LYPLAL1: variants seen among roughly 807,000 people sequenced by gnomAD.
LYPLAL1 encodes the protein lysophospholipase-like protein 1.
Under a neutral mutation model 19.7 loss-of-function variants are expected in LYPLAL1, and 23 were observed. The observed-to-expected ratio is 1.17, with a 90% CI of 0.84 to 1.65. LYPLAL1 has a LOEUF of 1.65. Ranked by LOEUF, LYPLAL1 falls within the 40% of genes most tolerant of loss-of-function variation. LYPLAL1 has a pLI of 0.00. For synonymous variants in LYPLAL1, 119 were observed against 96.3 expected (o/e 1.24, Z -1.38); for missense variants, 355 against 279.4 (o/e 1.27, Z -1.93).
chr1:219,380,381 C>G, the LYPLAL1 span, among the ~76,000 whole-genome samples: 3 of 152,216 alleles, frequency 2.0e-5, no homozygotes, highest in Non-Finnish European at 4.4e-5. Context: ...TAGCTTTACA[C>G]AAGCCAATGG....
chr1:219,414,434 G>A, the LYPLAL1 span, among the ~76,000 whole-genome samples: 5 of 152,200 alleles, frequency 3.3e-5, no homozygotes, highest in African/African-American at 4.8e-5. Context: ...GCAAATATCC[G>A]GACTTAAATT....
chr1:219,258,665 C>T, the LYPLAL1 span, among the ~76,000 whole-genome samples: 1 of 151,992 alleles, frequency 6.6e-6, no homozygotes, highest in African/African-American at 2.4e-5. Context: ...CGGCCATCTT[C>T]CTATTTGTTT....
the LYPLAL1 span, among the ~76,000 whole-genome samples, chr1:219,337,140 C>G: frequency 4.5e-5 from 6 of 133,924 alleles, no homozygotes; most frequent in East Asian, 1.2e-3. Flanking sequence ...TAAGAAATCT[C>G]GTGATTACAT....
the LYPLAL1 span, among the ~76,000 whole-genome samples, chr1:219,297,772 C>T: frequency 3.3e-5 from 5 of 152,104 alleles, no homozygotes; most frequent in East Asian, 1.9e-4. Flanking sequence ...TCTCTGGAAG[C>T]GATAAAGAGG....
intron 2 of LYPLAL1, among the ~76,000 whole-genome samples, chr1:219,190,591 CATT>C (rs1657081593): frequency 1.8e-5 from 1 of 55,362 alleles, no homozygotes; most frequent in Admixed American, 1.9e-4. Flanking sequence ...TTTAAAAAGA[CATT>C]ATATCAAATG....
the LYPLAL1 span, among the ~76,000 whole-genome samples, chr1:219,344,538 G>A: frequency 6.6e-6 from 1 of 152,142 alleles, no homozygotes; most frequent in Admixed American, 6.6e-5. Context: ...CACAGCATAA[G>A]TGACTTCCTG....
intron 3 of LYPLAL1, among the ~76,000 whole-genome samples, chr1:219,205,363 C>CAAAA (rs66877413): frequency 2.3e-5 from 3 of 128,446 alleles, no homozygotes; most frequent in African/African-American, 3.0e-5. Flanking sequence ...GACTCCGTCT[C>CAAAA]AAAAAAAAAA....
chr1:219,278,590 A>C, the LYPLAL1 span, among the ~76,000 whole-genome samples: 1 of 152,170 alleles, frequency 6.6e-6, no homozygotes, highest in South Asian at 2.1e-4. Context: ...ACTCTTACCC[A>C]CTGTACTTTA....
intron 1 of LYPLAL1, 102 bp downstream of exon 1, chr1:219,174,083 G>A (rs1299078865): frequency 2.0e-6 from 3 of 1,530,282 alleles, no homozygotes; most frequent in African/African-American, 2.8e-5. Flanking sequence ...GGCCCAAATA[G>A]GGCCCAGTGG....
chr1:219,306,779 TA>T, the LYPLAL1 span, among the ~76,000 whole-genome samples: 1 of 150,772 alleles, frequency 6.6e-6, no homozygotes, highest in African/African-American at 2.4e-5. Flanking sequence ...GATAGATAGA[TA>T]GATAGATACA....
chr1:219,276,826 G>A, the LYPLAL1 span, among the ~76,000 whole-genome samples: 5 of 152,152 alleles, frequency 3.3e-5, no homozygotes, highest in Admixed American at 6.5e-5. Context: ...ATGGGACACC[G>A]CAACCTTCTT....
At chr1:219,428,884 T>G in the LYPLAL1 span, among the ~76,000 whole-genome samples, 2 of 152,206 alleles carry the variant, frequency 1.3e-5, no homozygotes, top group African/African-American at 4.8e-5. Context: ...TTCTTATGCA[T>G]GGATCCTTAG....
At chr1:219,379,412 A>G in the LYPLAL1 span, among the ~76,000 whole-genome samples, 2 of 152,230 alleles carry the variant, frequency 1.3e-5, no homozygotes, top group African/African-American at 4.8e-5. Flanking sequence ...CTGTCTCTTC[A>G]CTTGCTTAAG....
At chr1:219,274,670 C>T in the LYPLAL1 span, among the ~76,000 whole-genome samples, 1 of 152,170 alleles carries the variant, frequency 6.6e-6, no homozygotes, top group African/African-American at 2.4e-5. Flanking sequence ...AGGCATGAGC[C>T]ACCGCCCCCG....
the LYPLAL1 span, chr1:219,222,448 T>G: frequency 1.3e-5 from 2 of 152,120 alleles, no homozygotes; most frequent in Non-Finnish European, 2.9e-5. Flanking sequence ...GGCCAAAGCT[T>G]CTTGAAAGCA....
chr1:219,382,644 G>A, the LYPLAL1 span, among the ~76,000 whole-genome samples: 331 of 152,108 alleles, frequency 2.2e-3, 1 homozygote, highest in African/African-American at 7.4e-3. Context: ...TTACAGGCAT[G>A]AGCCACTGCA....
the LYPLAL1 span, among the ~76,000 whole-genome samples, chr1:219,359,754 A>G: frequency 6.6e-6 from 1 of 152,206 alleles, no homozygotes; most frequent in Non-Finnish European, 1.5e-5. Flanking sequence ...TGCAAGTCCA[A>G]AATTTTCTAT....
chr1:219,389,690 A>T, the LYPLAL1 span, among the ~76,000 whole-genome samples: 1 of 152,192 alleles, frequency 6.6e-6, no homozygotes, highest in Admixed American at 6.5e-5. Context: ...ACTGTAATCT[A>T]CCATGTATAA....
chr1:219,216,243 T>A (rs1381742276), downstream of LYPLAL1, among the ~76,000 whole-genome samples: 1 of 152,110 alleles, frequency 6.6e-6, no homozygotes, highest in Non-Finnish European at 1.5e-5. Flanking sequence ...TTTGTATATA[T>A]TTTTATTCTC....
Sources: allele counts gnomAD v4.1 joint callset (sites outside exome capture counted in the v4.1 genomes callset), GRCh38; gene constraint gnomAD v4.1.1; transcripts MANE v1.5; gene names NCBI Gene and HGNC (gene_info 2026-07-23, HGNC 2026-07-21).